Variants in NEBL observed in about 807,000 individuals in gnomAD.
NEBL encodes LIM and SH3 protein 2.
Under a neutral mutation model 140.2 loss-of-function variants are expected in NEBL, and 122 were observed. That is an observed-to-expected ratio of 0.87 (90% CI 0.75 to 1.01). NEBL has a LOEUF of 1.01. Among genes scored for constraint, NEBL ranks in the 50% least tolerant of loss-of-function variants. NEBL has a pLI of 0.00. For missense variants in NEBL, 1,365 were observed against 1,231.3 expected, an observed-to-expected ratio of 1.11 and a Z score of -1.62; for synonymous variants, 436 against 398.9, an observed-to-expected ratio of 1.09 and a Z score of -1.11.
chr10:20,910,614 A>G (rs1193137278), intron 4 of NEBL, among the ~76,000 whole-genome samples: 1 of 152,182 alleles, frequency 6.6e-6, no homozygotes, highest in Non-Finnish European at 1.5e-5. Context: ...GGCAGTGGAA[A>G]GCATGCAACA....
intron 2 of NEBL, among the ~76,000 whole-genome samples, chr10:21,094,255 C>T (rs1479611201): frequency 6.6e-6 from 1 of 152,134 alleles, no homozygotes; most frequent in African/African-American, 2.4e-5. Flanking sequence ...GTAATCCCAG[C>T]ACTTTGGGAG....
intron 3 of NEBL, among the ~76,000 whole-genome samples, chr10:21,218,481 T>G (rs1268856967): frequency 6.6e-6 from 1 of 152,208 alleles, no homozygotes; most frequent in Non-Finnish European, 1.5e-5. Flanking sequence ...TTTTTTATCT[T>G]TGCTTTATCT....
intron 24 of NEBL, among the ~76,000 whole-genome samples, chr10:20,810,755 G>A (rs1353110704): frequency 3.3e-5 from 5 of 152,126 alleles, no homozygotes; most frequent in East Asian, 3.9e-4. Flanking sequence ...ATAGACATAC[G>A]GCAGAAATGG....
intron 3 of NEBL, among the ~76,000 whole-genome samples, chr10:21,191,231 C>T (rs2132216909): frequency 6.6e-6 from 1 of 152,282 alleles, no homozygotes; most frequent in South Asian, 2.1e-4. Context: ...CTCCTAGGAG[C>T]TTATGATATG....
intron 20 of NEBL, among the ~76,000 whole-genome samples, 154 bp from the exon 21 acceptor site, chr10:20,817,846 C>T (rs531725149): frequency 1.3e-5 from 2 of 152,282 alleles, no homozygotes; most frequent in South Asian, 2.1e-4. Flanking sequence ...GCCCACATTC[C>T]GATGGGTCTG....
At chr10:20,985,807 A>C (rs1169788684) in intron 3 of NEBL, among the ~76,000 whole-genome samples, 1 of 152,206 alleles carries the variant, frequency 6.6e-6, no homozygotes, top group Admixed American at 6.6e-5. Flanking sequence ...GTTTTTAAAA[A>C]AAACCAGTGT....
At chr10:20,839,977 C>G (rs1841258666) in intron 13 of NEBL, among the ~76,000 whole-genome samples, 1 of 152,264 alleles carries the variant, frequency 6.6e-6, no homozygotes, top group South Asian at 2.1e-4. Flanking sequence ...CTGAATTCTA[C>G]CTTGACAGTA....
intron 4 of NEBL, among the ~76,000 whole-genome samples, chr10:20,942,769 G>A (rs1234453728): frequency 6.6e-6 from 1 of 151,888 alleles, no homozygotes; most frequent in Non-Finnish European, 1.5e-5. Context: ...CCATCAAAAA[G>A]TGGGTGAAGG....
chr10:21,251,017 A>T (rs556333202), intron 2 of NEBL, among the ~76,000 whole-genome samples: 8 of 152,320 alleles, frequency 5.3e-5, no homozygotes, highest in South Asian at 2.1e-4. Context: ...AACTAAGAAG[A>T]AGTACTTTTT....
intron 4 of NEBL, among the ~76,000 whole-genome samples, chr10:20,881,921 A>G (rs965013299): frequency 6.6e-6 from 1 of 152,212 alleles, no homozygotes; most frequent in African/African-American, 2.4e-5. Context: ...CAACTTAAGA[A>G]AGACAAAGTA....
chr10:21,273,935 C>T (rs1564553779), intron 1 of NEBL, among the ~76,000 whole-genome samples: 1 of 152,220 alleles, frequency 6.6e-6, no homozygotes. Context: ...GCTAGCTCTG[C>T]CAGGCAGCCT....
intron 17 of NEBL, among the ~76,000 whole-genome samples, chr10:20,827,067 A>G (rs973889111): frequency 6.6e-6 from 1 of 152,138 alleles, no homozygotes; most frequent in Non-Finnish European, 1.5e-5. Flanking sequence ...ACCCTCTCCC[A>G]TGTGTCTCCA....
At position 20,880,887 on chromosome 10, in the gene NEBL, T is replaced by G; in HGVS notation, c.387A>C (p.Lys129Asn). 6.2e-7 allele frequency: 1 copy of G among 1,614,082 alleles called. No individual in the cohort carries two copies. Among genetic ancestry groups the G allele is most frequent in the Non-Finnish European group, 8.5e-7 (1 of 1,179,988 alleles). ...CTGAGAATCCTTTGGCAGCATCATG[T>G]TTCTGCTTGTAGGCCACCTGAAAAA... is the stretch of plus-strand genomic sequence containing the variant. ...QLQSEVAYKQ[K>N]HDAAKGFSDY... The change falls in exon 5 of 28, where the codon AAA becomes AAC. Residue 129 changes from lysine to asparagine, a missense_variant. Physicochemically the swap from Lys to Asn is moderately conservative, Grantham distance 94. Coordinates refer to ENST00000377122, the MANE Select transcript of NEBL (RefSeq NM_006393.3).
chr10:20,981,704 G>A (rs1483711298), intron 3 of NEBL, among the ~76,000 whole-genome samples: 2 of 152,168 alleles, frequency 1.3e-5, no homozygotes, highest in African/African-American at 4.8e-5. Flanking sequence ...ACCGGTGATA[G>A]GGGCCTCTCT....
At chr10:21,108,264 C>T (rs151278846) in intron 2 of NEBL, among the ~76,000 whole-genome samples, 9,458 of 152,086 alleles carry the variant, frequency 0.062, 484 homozygotes, top group East Asian at 0.23. Flanking sequence ...AGGGTGTCAA[C>T]ATTAGATCTT....
chr10:21,181,969 G>C (rs1841395626), intron 3 of NEBL, among the ~76,000 whole-genome samples: 2 of 152,210 alleles, frequency 1.3e-5, no homozygotes, highest in Non-Finnish European at 2.9e-5. Flanking sequence ...GAAGTGAGGA[G>C]GTGGACTGGA....
chr10:21,105,521 CT>C (rs756024143), intron 2 of NEBL, among the ~76,000 whole-genome samples: 1 of 152,190 alleles, frequency 6.6e-6, no homozygotes, highest in South Asian at 2.1e-4. Flanking sequence ...TGAACTCATC[CT>C]TTTTTATGGC....
At chr10:20,922,231 A>C (rs181426673) in intron 4 of NEBL, among the ~76,000 whole-genome samples, 2 of 152,298 alleles carry the variant, frequency 1.3e-5, no homozygotes, top group Admixed American at 1.3e-4. Context: ...GAATTAAATG[A>C]TTCTGTGCCT....
At chr10:20,902,897 T>C (rs1847931057) in intron 4 of NEBL, among the ~76,000 whole-genome samples, 1 of 152,210 alleles carries the variant, frequency 6.6e-6, no homozygotes, top group Non-Finnish European at 1.5e-5. Flanking sequence ...CAGGAATAAT[T>C]GTGAAAGACT....
Sources: gnomAD v4.1 joint callset for allele counts (sites outside exome capture counted in the v4.1 genomes callset) on GRCh38, gnomAD v4.1.1 for gene constraint, MANE v1.5 for transcripts, NCBI Gene and HGNC (gene_info 2026-07-23, HGNC 2026-07-21) for gene names.